Variants in GRM8 observed in about 807,000 individuals in gnomAD.
The protein encoded by GRM8 is glutamate metabotropic receptor 8, also known as metabotropic glutamate receptor 8.
GRM8 carries 47 observed loss-of-function variants against 87.2 expected under a neutral mutation model. That is an observed-to-expected ratio of 0.54 (90% CI 0.43 to 0.69). The LOEUF (loss-of-function observed/expected upper bound fraction) is 0.69. Among genes scored for constraint, GRM8 ranks in the 30% least tolerant of loss-of-function variants. The pLI, the probability that GRM8 is intolerant of heterozygous loss-of-function variation, is 0.00. For missense variants in GRM8, 1,019 were observed against 1,139.2 expected, an observed-to-expected ratio of 0.89 and a Z score of 1.52; for synonymous variants, 396 against 404.5, an observed-to-expected ratio of 0.98 and a Z score of 0.25.
chr7:126,581,745 G>T (rs1376577276), intron 8 of GRM8, among the ~76,000 whole-genome samples: 2 of 151,796 alleles, frequency 1.3e-5, no homozygotes, highest in Admixed American at 1.3e-4. Context: ...GTCACATTTT[G>T]GTAATTCTTA....
rs537993632 is a variant in GRM8, at chr7:126,533,686, G to A, written c.1696C>T (p.Arg566Cys). 2.5e-6 allele frequency: 4 copies of A among 1,614,040 alleles called. No individual in the cohort carries two copies. The highest frequency in any genetic ancestry group is 3.4e-6 in the Non-Finnish European group (4 of 1,179,972). The change falls in exon 9 of 11, where the codon CGC becomes TGC. Residue 566 changes from arginine (R) to cysteine (C), a missense_variant. Transcript: ENST00000339582. Reference sequence around the variant, plus strand: ...ATGGGGATAAGCTGGCAGCCTGTGCGGTTCATGTTGGGTCTCTGATCCAGA... The same window carrying A: ...ATGGGGATAAGCTGGCAGCCTGTGCAGTTCATGTTGGGTCTCTGATCCAGA... ...CPLDQRPNMN[R>C]TGCQLIPIIK...
intron 7 of GRM8, among the ~76,000 whole-genome samples, chr7:126,682,444 C>T (rs1328716565): frequency 6.6e-6 from 1 of 152,182 alleles, no homozygotes; most frequent in African/African-American, 2.4e-5. Context: ...GATGAGAAAA[C>T]AGCTGCTTAG....
At chr7:127,128,386 G>A (rs1827491408) in intron 2 of GRM8, among the ~76,000 whole-genome samples, 1 of 152,096 alleles carries the variant, frequency 6.6e-6, no homozygotes. Flanking sequence ...GGAAGGTTAA[G>A]TCTCATGCCA....
At chr7:126,714,732 C>A (rs943715245) in intron 7 of GRM8, among the ~76,000 whole-genome samples, 1 of 151,992 alleles carries the variant, frequency 6.6e-6, no homozygotes, top group Non-Finnish European at 1.5e-5. Flanking sequence ...TTTTGGCTCC[C>A]CAAAAAGTTA....
At chr7:126,715,226 G>T (rs977634388) in intron 7 of GRM8, among the ~76,000 whole-genome samples, 7 of 152,180 alleles carry the variant, frequency 4.6e-5, no homozygotes, top group Non-Finnish European at 7.3e-5. Context: ...TTACTGGAGA[G>T]ATGAAATTGC....
intron 8 of GRM8, among the ~76,000 whole-genome samples, chr7:126,579,832 C>A (rs1167693858): frequency 6.6e-6 from 1 of 151,896 alleles, no homozygotes; most frequent in East Asian, 1.9e-4. Context: ...ATTTAATACT[C>A]TGTTAATCAA....
intron 7 of GRM8, among the ~76,000 whole-genome samples, chr7:126,615,532 C>T (rs1228936781): frequency 1.3e-5 from 2 of 152,072 alleles, no homozygotes; most frequent in South Asian, 2.1e-4. Context: ...CAATATTAAC[C>T]TTAAATATAA....
Position 126,788,409 on chromosome 7 carries a change from C to CAAAAAAAAAAA in GRM8, c.1157-18355_1157-18345dup, listed in dbSNP as rs67131936. On this transcript the variant is annotated intron_variant, in intron 6 of 10. Coordinates refer to ENST00000339582, the MANE Select transcript of GRM8 (RefSeq NM_000845.3). ...TGGGTATCAGAGCAAGACTCCATCT[C>CAAAAAAAAAAA]AAAAAAAAAAAAAACCCTTTCAGAT... Among the ~76,000 whole-genome samples the CAAAAAAAAAAA allele has an allele frequency of 9.9e-3, 107 of 10,780 alleles. 22 individuals carry two copies. In the East Asian group the frequency reaches 0.15, roughly 15 times the overall value. The allele number at this position is 10,780 out of a possible 152,430, so 7.1% of individuals were successfully genotyped here. A position where few individuals can be genotyped will look rare whatever the true frequency, so the allele number is the denominator to read the frequency against.
chr7:126,624,986 C>A (rs1226666473), intron 7 of GRM8, among the ~76,000 whole-genome samples: 1 of 152,192 alleles, frequency 6.6e-6, no homozygotes, highest in Non-Finnish European at 1.5e-5. Flanking sequence ...ATAAAACAAA[C>A]TTCTATTCTG....
At chr7:126,868,434 G>C (rs1296524962) in intron 6 of GRM8, among the ~76,000 whole-genome samples, 3 of 152,166 alleles carry the variant, frequency 2.0e-5, no homozygotes, top group Admixed American at 6.5e-5. Flanking sequence ...AATGAGCTGA[G>C]ACTACAAAAG....
chr7:126,579,198 C>T (rs942762255), intron 8 of GRM8, among the ~76,000 whole-genome samples: 7 of 152,166 alleles, frequency 4.6e-5, no homozygotes, highest in African/African-American at 1.7e-4. Flanking sequence ...ACTAAATTTA[C>T]ACTTCAAAAT....
At chr7:126,768,607 G>T (rs1219899337) in intron 7 of GRM8, among the ~76,000 whole-genome samples, 1 of 151,844 alleles carries the variant, frequency 6.6e-6, no homozygotes, top group Non-Finnish European at 1.5e-5. Context: ...TTCTTTAAAA[G>T]ACTTCCCTGT....
intron 2 of GRM8, among the ~76,000 whole-genome samples, chr7:127,191,593 C>A (rs1443458695): frequency 1.3e-5 from 2 of 152,112 alleles, no homozygotes; most frequent in Non-Finnish European, 2.9e-5. Flanking sequence ...ATTATAGTAA[C>A]CTGAAAGGTA....
intron 9 of GRM8, among the ~76,000 whole-genome samples, chr7:126,518,302 G>T (rs1812468834): frequency 1.3e-5 from 2 of 152,062 alleles, no homozygotes; most frequent in African/African-American, 4.8e-5. Context: ...TTCCATAAGA[G>T]GAAAAACATT....
intron 3 of GRM8, among the ~76,000 whole-genome samples, chr7:127,005,306 A>T (rs1814175637): frequency 6.6e-6 from 1 of 151,640 alleles, no homozygotes; most frequent in African/African-American, 2.4e-5. Context: ...CAAAAAAAAT[A>T]AATTGTGAAT....
At chr7:127,008,718 C>T (rs1230427309) in intron 3 of GRM8, among the ~76,000 whole-genome samples, 1 of 151,944 alleles carries the variant, frequency 6.6e-6, no homozygotes, top group Non-Finnish European at 1.5e-5. Flanking sequence ...GTTCCATGGC[C>T]ATTTTAAAAA....
chr7:127,076,259 G>A (rs928935677), intron 3 of GRM8: 2 of 455,176 alleles, frequency 4.4e-6, no homozygotes, highest in Non-Finnish European at 8.8e-6. Flanking sequence ...AAAGAAAAAT[G>A]AGGCAAATAG....
intron 7 of GRM8, among the ~76,000 whole-genome samples, chr7:126,640,874 T>G (rs1802311890): frequency 6.6e-6 from 1 of 151,756 alleles, no homozygotes; most frequent in African/African-American, 2.4e-5. Context: ...TTGCTACCCT[T>G]CTTGCCATAT....
chr7:126,763,210 A>T (rs1431407437), intron 7 of GRM8, among the ~76,000 whole-genome samples: 4 of 151,528 alleles, frequency 2.6e-5, no homozygotes, highest in Non-Finnish European at 5.9e-5. Flanking sequence ...GGCATTTTTT[A>T]AAATAATTTC....
Sources: allele counts gnomAD v4.1 joint callset (sites outside exome capture counted in the v4.1 genomes callset), GRCh38; gene constraint gnomAD v4.1.1; transcripts MANE v1.5; gene names NCBI Gene and HGNC (gene_info 2026-07-23, HGNC 2026-07-21).